The following NTRK3 variants were observed in gnomAD, a reference collection of about 807,000 sequenced individuals.
NTRK3 encodes the protein NT-3 growth factor receptor.
Under a neutral mutation model 91.7 loss-of-function variants are expected in NTRK3, and 24 were observed. The ratio of observed to expected loss-of-function variants is 0.26; its 90% confidence interval spans 0.19 to 0.37. The LOEUF (loss-of-function observed/expected upper bound fraction) is 0.37. NTRK3 is among the 10% of genes least tolerant of loss of function. The pLI, the probability that NTRK3 is intolerant of heterozygous loss-of-function variation, is 1.00. For synonymous variants in NTRK3, 483 were observed against 404.0 expected, an observed-to-expected ratio of 1.20 and a Z score of -2.34; for missense variants, 880 against 1,068.9, an observed-to-expected ratio of 0.82 and a Z score of 2.46.
At chr15:88,173,853 C>A (rs2045753859) in intron 5 of NTRK3, among the ~76,000 whole-genome samples, 1 of 152,272 alleles carries the variant, frequency 6.6e-6, no homozygotes, top group Admixed American at 6.5e-5. Flanking sequence ...TGGTTTCTGG[C>A]TCTGCCACTT....
intron 13 of NTRK3, among the ~76,000 whole-genome samples, chr15:88,082,521 C>A (rs2048145545): frequency 6.6e-6 from 1 of 152,174 alleles, no homozygotes; most frequent in Non-Finnish European, 1.5e-5. Flanking sequence ...CTCACCCAAT[C>A]ATTATCAGAA....
chr15:87,930,371 G>A (rs570299255), intron 16 of NTRK3, among the ~76,000 whole-genome samples: 1 of 152,302 alleles, frequency 6.6e-6, no homozygotes, highest in African/African-American at 2.4e-5. Context: ...TGTGGACCAA[G>A]GAGCCCTGGT....
chr15:88,242,742 G>T (rs2052474262), intron 3 of NTRK3, among the ~76,000 whole-genome samples: 1 of 152,194 alleles, frequency 6.6e-6, no homozygotes, highest in Admixed American at 6.5e-5. Context: ...TAGCGCATCT[G>T]CTCATTCTTC....
intron 3 of NTRK3, among the ~76,000 whole-genome samples, chr15:88,228,083 C>T (rs2050838534): frequency 6.6e-6 from 1 of 152,148 alleles, no homozygotes; most frequent in Admixed American, 6.5e-5. Flanking sequence ...CCAGGCCAAA[C>T]CTAAACCCAA....
chr15:87,875,882 A>C (rs1205287115), exon 19 of NTRK3: 3 of 232,190 alleles, frequency 1.3e-5, no homozygotes, highest in Non-Finnish European at 2.6e-5. Flanking sequence ...GGCATTCGTT[A>C]TAATGACCTA....
intron 3 of NTRK3, among the ~76,000 whole-genome samples, chr15:88,224,641 G>A (rs185549737): frequency 4.6e-5 from 7 of 152,296 alleles, no homozygotes; most frequent in African/African-American, 1.7e-4. Flanking sequence ...GTTCTATCAC[G>A]ACTGTCATTA....
intron 13 of NTRK3, among the ~76,000 whole-genome samples, chr15:88,052,301 A>G (rs989380986): frequency 6.6e-6 from 1 of 152,222 alleles, no homozygotes; most frequent in Non-Finnish European, 1.5e-5. Context: ...CATGGCTGCC[A>G]TTTCTTAATT....
At chr15:88,114,436 T>A (rs2051808026) in intron 13 of NTRK3, among the ~76,000 whole-genome samples, 1 of 152,060 alleles carries the variant, frequency 6.6e-6, no homozygotes, top group Non-Finnish European at 1.5e-5. Context: ...CAAAAAAAAA[T>A]GGCATTAGAG....
At chr15:88,191,096 A>G (rs1269127481) in intron 3 of NTRK3, among the ~76,000 whole-genome samples, 2 of 152,020 alleles carry the variant, frequency 1.3e-5, no homozygotes, top group Non-Finnish European at 2.9e-5. Context: ...ACATGGCGGT[A>G]CCTAAGCGTA....
exon 19 of NTRK3, chr15:87,870,354 G>T (rs11073749): frequency 0.58 from 113,532 of 197,332 alleles, 35,415 homozygotes; most frequent in East Asian, 0.68. Flanking sequence ...AACATCGTAC[G>T]TTCTCACTGA....
At chr15:87,988,037 C>G (rs2074979270) in intron 14 of NTRK3, among the ~76,000 whole-genome samples, 1 of 152,170 alleles carries the variant, frequency 6.6e-6, no homozygotes, top group African/African-American at 2.4e-5. Context: ...TATTGGCTTA[C>G]TTCCAAAGTA....
intron 5 of NTRK3, among the ~76,000 whole-genome samples, chr15:88,169,052 T>C (rs2045265015): frequency 6.6e-6 from 1 of 152,196 alleles, no homozygotes; most frequent in Admixed American, 6.5e-5. Flanking sequence ...AGAGGTGGCA[T>C]GGCACATGGG....
At chr15:88,110,166 T>G (rs2051172311) in intron 13 of NTRK3, among the ~76,000 whole-genome samples, 1 of 151,980 alleles carries the variant, frequency 6.6e-6, no homozygotes, top group Non-Finnish European at 1.5e-5. Context: ...GAAATCTTAG[T>G]GTCATGGCAT....
chr15:88,126,465 A>G, intron 12 of NTRK3, 92 bp from the exon 13 acceptor site: 1 of 789,060 alleles, frequency 1.3e-6, no homozygotes, highest in Non-Finnish European at 2.2e-6. Context: ...GAACAGTCCT[A>G]CTGCCATAGT....
intron 3 of NTRK3, among the ~76,000 whole-genome samples, chr15:88,232,124 A>ACC (rs1410591494): frequency 6.6e-6 from 1 of 151,736 alleles, no homozygotes; most frequent in East Asian, 1.9e-4. Flanking sequence ...CACTTCACCC[A>ACC]CCCCACTGGG....
At chr15:88,079,782 T>G (rs922545436) in intron 13 of NTRK3, among the ~76,000 whole-genome samples, 13 of 152,302 alleles carry the variant, frequency 8.5e-5, no homozygotes, top group Middle Eastern at 6.8e-3. Flanking sequence ...CAAAGAAGTT[T>G]GCATTAAATC....
At chr15:87,987,516 G>T (rs559630065) in intron 14 of NTRK3, among the ~76,000 whole-genome samples, 234 of 150,248 alleles carry the variant, frequency 1.6e-3, no homozygotes, top group Non-Finnish European at 2.4e-3. Flanking sequence ...GATATATATA[G>T]ATAGATAGAT....
chr15:88,068,433 A>AAAAAC (rs376024182), intron 13 of NTRK3, among the ~76,000 whole-genome samples: 56 of 152,328 alleles, frequency 3.7e-4, no homozygotes, highest in South Asian at 3.3e-3. Flanking sequence ...TCCATCTCAA[A>AAAAAC]AAAACAAAAC....
Position 87,929,534 on chromosome 15 carries a change from T to C in NTRK3, c.1890-100A>G. On this transcript the variant is annotated intron_variant, in intron 16 of 18. Transcript: ENST00000394480. ...TGCCCTCTGGAATGCCCCACAGAAA[T>C]AAATAAAATTTCCCTTTCCATCCTG... is the stretch of plus-strand genomic sequence containing the variant. The C allele has an allele frequency of 2.1e-6, 3 of 1,430,938 alleles. No individual in the cohort carries two copies. The South Asian group carries it at 4.1e-5, about 20-fold the overall frequency. The allele number at this position is 1,430,938 out of a possible 1,614,324, so 88.6% of individuals were successfully genotyped here.
Sources: allele counts gnomAD v4.1 joint callset (sites outside exome capture counted in the v4.1 genomes callset), GRCh38; gene constraint gnomAD v4.1.1; transcripts MANE v1.5; gene names NCBI Gene and HGNC (gene_info 2026-07-23, HGNC 2026-07-21).